The following ERC2 variants were observed in gnomAD, a reference collection of about 807,000 sequenced individuals.
ERC2 encodes ERC protein 2.
A neutral mutation model predicts 114.8 loss-of-function variants in ERC2; 42 were observed. The ratio of observed to expected loss-of-function variants is 0.37; its 90% CI spans 0.29 to 0.47. ERC2 has a LOEUF of 0.47. Among genes scored for constraint, ERC2 ranks in the 20% least tolerant of loss-of-function variants. The pLI, the probability that ERC2 is intolerant of heterozygous loss-of-function variation, is 0.99. For synonymous variants in ERC2, 454 were observed against 425.5 expected, an observed-to-expected ratio of 1.07 and a Z score of -0.82; for missense variants, 939 against 1,150.7, an observed-to-expected ratio of 0.82 and a Z score of 2.66.
intron 14 of ERC2, among the ~76,000 whole-genome samples, chr3:55,830,399 C>A (rs1215096000): frequency 6.6e-6 from 1 of 152,188 alleles, no homozygotes; most frequent in Non-Finnish European, 1.5e-5. Context: ...CTGCAAATAT[C>A]TTGGAAATAT....
intron 14 of ERC2, among the ~76,000 whole-genome samples, chr3:55,857,942 C>T (rs1005783224): frequency 4.6e-5 from 7 of 152,178 alleles, no homozygotes; most frequent in African/African-American, 1.7e-4. Context: ...AACTCCCAGC[C>T]TCTCCTTCAC....
chr3:56,176,551 AAAAAT>A (rs1215704251), intron 3 of ERC2, among the ~76,000 whole-genome samples: 1 of 152,188 alleles, frequency 6.6e-6, no homozygotes, highest in African/African-American at 2.4e-5. Context: ...TCACTCCTTT[AAAAAT>A]AAAATAAAAT....
rs2062185910 is a variant in ERC2 at position 55,683,873 on chromosome 3, G to A, written c.2848-14C>T. On this transcript the variant is annotated splice_polypyrimidine_tract_variant and intron_variant, in intron 16 of 17. Transcript: ENST00000288221. ...CTCCTCGTCATCCTGCGGCCGGCCC[G>A]AGGTGGGGAGGTGCACAGAGAGGAG... is the stretch of plus-strand genomic sequence containing the variant. 6 of 1,612,124 alleles carry A rather than the reference G, an allele frequency of 3.7e-6. No homozygotes were observed. Among genetic ancestry groups the A allele is most frequent in the Non-Finnish European group, 5.1e-6 (6 of 1,179,186 alleles).
At chr3:56,382,692 A>C (rs901445364) in intron 2 of ERC2, among the ~76,000 whole-genome samples, 5 of 152,132 alleles carry the variant, frequency 3.3e-5, no homozygotes, top group African/African-American at 1.2e-4. Context: ...GCAATATCGC[A>C]GTGTTCATTC....
rs563884060 is a variant in ERC2 at position 55,511,245 on chromosome 3, T to A, written c.*71A>T. On this transcript the variant is annotated 3_prime_UTR_variant, in exon 18 of 18. Coordinates refer to ENST00000288221, the MANE Select transcript of ERC2 (RefSeq NM_015576.3). ...CATTATCAGAATATTGCTGCAGAGC[T>A]GCATGTTCCCTTTATTCAGCCCTTC... 1 of 152,800 alleles carries A rather than the reference T, an allele frequency of 6.5e-6. No individual in the cohort carries two copies. The highest frequency in any genetic ancestry group is 2.1e-4 in the South Asian group (1 of 4,828). The allele number at this position is 152,800 out of a possible 1,614,324, so 9.5% of individuals were successfully genotyped here. A position where few individuals can be genotyped will look rare whatever the true frequency, so the allele number is the denominator to read the frequency against.
At chr3:56,187,864 A>T (rs546419624) in intron 3 of ERC2, among the ~76,000 whole-genome samples, 1 of 152,250 alleles carries the variant, frequency 6.6e-6, no homozygotes, top group South Asian at 2.1e-4. Flanking sequence ...AGTACCAATT[A>T]AGACATTGTA....
At chr3:56,120,842 C>T (rs1355914854) in intron 6 of ERC2, among the ~76,000 whole-genome samples, 2 of 152,154 alleles carry the variant, frequency 1.3e-5, no homozygotes, top group African/African-American at 4.8e-5. Context: ...TTTTGTTTGC[C>T]AGGCCATCTG....
intron 14 of ERC2, among the ~76,000 whole-genome samples, chr3:55,767,546 C>G (rs1409277628): frequency 6.6e-6 from 1 of 152,130 alleles, no homozygotes; most frequent in Non-Finnish European, 1.5e-5. Context: ...TGCTTTAATT[C>G]CCAGGAGGCA....
At chr3:56,230,697 TGCCTTCTTAATA>T (rs1316784940) in intron 3 of ERC2, among the ~76,000 whole-genome samples, 2 of 152,266 alleles carry the variant, frequency 1.3e-5, no homozygotes, top group African/African-American at 4.8e-5. Flanking sequence ...AAGAAAACAT[TGCCTTCTTAATA>T]GCTAGAGCTA....
chr3:55,841,803 T>C (rs1166922490), intron 14 of ERC2, among the ~76,000 whole-genome samples: 2 of 152,114 alleles, frequency 1.3e-5, no homozygotes. Context: ...ATGAGGAAAC[T>C]GAAACTCAAG....
chr3:56,051,291 T>C (rs116773507), intron 7 of ERC2, among the ~76,000 whole-genome samples: 69 of 152,284 alleles, frequency 4.5e-4, no homozygotes, highest in African/African-American at 1.5e-3. Context: ...TTAAGATGGT[T>C]TTAACATTTT....
At chr3:56,017,653 C>G (rs1175767327) in intron 8 of ERC2, among the ~76,000 whole-genome samples, 1 of 152,136 alleles carries the variant, frequency 6.6e-6, no homozygotes, top group Non-Finnish European at 1.5e-5. Context: ...TCTCAGCAAG[C>G]TCCTACCTGG....
At chr3:55,982,235 T>C (rs2070206000) in intron 12 of ERC2, among the ~76,000 whole-genome samples, 1 of 152,154 alleles carries the variant, frequency 6.6e-6, no homozygotes, top group Non-Finnish European at 1.5e-5. Flanking sequence ...CAGGTTTCCT[T>C]ACTGCAGACC....
At chr3:56,326,978 A>G (rs369141869) in intron 2 of ERC2, among the ~76,000 whole-genome samples, 2 of 152,226 alleles carry the variant, frequency 1.3e-5, no homozygotes, top group African/African-American at 4.8e-5. Flanking sequence ...TAAGAGCTCA[A>G]GTACTTTCCC....
At chr3:55,563,854 G>A (rs572445522) in intron 17 of ERC2, among the ~76,000 whole-genome samples, 24 of 152,188 alleles carry the variant, frequency 1.6e-4, no homozygotes, top group Non-Finnish European at 3.2e-4. Context: ...GGGCTCCTCA[G>A]TAACATTAGC....
At chr3:55,895,458 G>A (rs2063798269) in intron 13 of ERC2, among the ~76,000 whole-genome samples, 1 of 152,160 alleles carries the variant, frequency 6.6e-6, no homozygotes, top group Non-Finnish European at 1.5e-5. Context: ...GTGAAATAAT[G>A]CATGGAAAGT....
At chr3:56,180,467 T>C (rs1043297463) in intron 3 of ERC2, among the ~76,000 whole-genome samples, 2 of 152,176 alleles carry the variant, frequency 1.3e-5, no homozygotes, top group Non-Finnish European at 2.9e-5. Context: ...AAACATACAA[T>C]GGAATATTAT....
intron 14 of ERC2, among the ~76,000 whole-genome samples, chr3:55,859,745 G>T (rs1422622273): frequency 3.1e-5 from 3 of 97,776 alleles, no homozygotes; most frequent in Non-Finnish European, 5.6e-5. Context: ...ACCCTTGTTT[G>T]GACCTATGGA....
intron 2 of ERC2, among the ~76,000 whole-genome samples, chr3:56,388,212 C>A (rs2873304): frequency 0.95 from 144,642 of 152,242 alleles, 68,835 homozygotes; most frequent in East Asian, 1. Context: ...CAGTGTTGGA[C>A]GTAGGCCCTG....
Sources: allele counts gnomAD v4.1 joint callset (sites outside exome capture counted in the v4.1 genomes callset), GRCh38; gene constraint gnomAD v4.1.1; transcripts MANE v1.5; gene names NCBI Gene and HGNC (gene_info 2026-07-23, HGNC 2026-07-21).